Variants in ARB2A observed in about 807,000 individuals in gnomAD.
The protein encoded by ARB2A is ARB2 cotranscriptional regulator A.
At chr5:94,087,208 G>A in the ARB2A span, among the ~76,000 whole-genome samples, 4 of 152,130 alleles carry the variant, frequency 2.6e-5, no homozygotes, top group Non-Finnish European at 5.9e-5. Flanking sequence ...CTTTTGTACA[G>A]CTGAACAATA....
At chr5:93,937,329 G>A in the ARB2A span, among the ~76,000 whole-genome samples, 2 of 151,426 alleles carry the variant, frequency 1.3e-5, no homozygotes, top group African/African-American at 2.4e-5. Flanking sequence ...CAGGCTGGCC[G>A]CGGTGGTTCA....
the ARB2A span, among the ~76,000 whole-genome samples, chr5:93,948,687 T>C: frequency 3.5e-4 from 53 of 152,314 alleles, no homozygotes; most frequent in African/African-American, 7.5e-4. Context: ...AATTTTTGTA[T>C]AAGGTGTAAG....
the ARB2A span, among the ~76,000 whole-genome samples, chr5:93,975,040 C>T: frequency 3.3e-5 from 5 of 152,118 alleles, no homozygotes; most frequent in East Asian, 1.9e-4. Flanking sequence ...CTTAGCTGGG[C>T]GCGGTGGCTC....
At chr5:93,801,243 G>C in the ARB2A span, among the ~76,000 whole-genome samples, 2 of 152,130 alleles carry the variant, frequency 1.3e-5, no homozygotes, top group African/African-American at 4.8e-5. Context: ...GGAAGAAAAA[G>C]TTACTGTATG....
chr5:93,938,706 A>G, the ARB2A span, among the ~76,000 whole-genome samples: 2 of 152,224 alleles, frequency 1.3e-5, no homozygotes, highest in Non-Finnish European at 2.9e-5. Context: ...CATCCTGGAG[A>G]GAGAGAGCAT....
the ARB2A span, among the ~76,000 whole-genome samples, chr5:94,044,762 G>A: frequency 6.6e-6 from 1 of 151,880 alleles, no homozygotes. Context: ...TAAAGAAGTT[G>A]GCCAAAACCC....
the ARB2A span, among the ~76,000 whole-genome samples, chr5:93,790,760 T>TA: frequency 5.3e-5 from 8 of 151,456 alleles, no homozygotes; most frequent in Non-Finnish European, 7.4e-5. Context: ...TGACTGTATT[T>TA]AAAAAAAAAG....
the ARB2A span, among the ~76,000 whole-genome samples, chr5:94,037,099 T>C: frequency 6.6e-6 from 1 of 152,206 alleles, no homozygotes. Flanking sequence ...GCTTTCTATG[T>C]ATTTCTGCGC....
chr5:93,770,700 A>G, the ARB2A span, among the ~76,000 whole-genome samples: 1 of 152,176 alleles, frequency 6.6e-6, no homozygotes, highest in Non-Finnish European at 1.5e-5. Context: ...ACTCCCATTC[A>G]CAATTGCTTC....
chr5:93,931,337 G>A, the ARB2A span, among the ~76,000 whole-genome samples: 1 of 152,068 alleles, frequency 6.6e-6, no homozygotes, highest in African/African-American at 2.4e-5. Flanking sequence ...GGTGGTGCAT[G>A]CCTGTAATCC....
chr5:93,956,232 C>T, the ARB2A span, among the ~76,000 whole-genome samples: 1 of 152,126 alleles, frequency 6.6e-6, no homozygotes, highest in African/African-American at 2.4e-5. Context: ...CAAACTATGA[C>T]CTGTGGAGCC....
chr5:93,769,931 A>G, the ARB2A span, among the ~76,000 whole-genome samples: 13 of 152,322 alleles, frequency 8.5e-5, no homozygotes, highest in Non-Finnish European at 1.5e-4. Context: ...TTAAGGAAAG[A>G]AATGGTCAGA....
At chr5:94,041,318 A>G in the ARB2A span, among the ~76,000 whole-genome samples, 4 of 151,972 alleles carry the variant, frequency 2.6e-5, no homozygotes, top group Non-Finnish European at 5.9e-5. Flanking sequence ...ACTTTTCAAG[A>G]CGGCCCAGCA....
At chr5:93,823,096 T>C in the ARB2A span, among the ~76,000 whole-genome samples, 46 of 152,304 alleles carry the variant, frequency 3.0e-4, no homozygotes, top group African/African-American at 1.0e-3. Flanking sequence ...TCCACTTAGA[T>C]CTATTTGGAT....
chr5:93,755,574 C>A, the ARB2A span, among the ~76,000 whole-genome samples: 2 of 152,184 alleles, frequency 1.3e-5, no homozygotes, highest in Admixed American at 1.3e-4. Flanking sequence ...ACTGCGGAAG[C>A]GGGAAAGGGA....
At chr5:93,623,693 A>G in the ARB2A span, among the ~76,000 whole-genome samples, 1 of 152,300 alleles carries the variant, frequency 6.6e-6, no homozygotes, top group South Asian at 2.1e-4. Flanking sequence ...ATTTAAGAGT[A>G]TAAATAATGA....
the ARB2A span, chr5:93,741,351 T>A: frequency 8.1e-6 from 13 of 1,611,204 alleles, no homozygotes; most frequent in Admixed American, 1.8e-4. Context: ...AGCCCCGGAA[T>A]TCGTGTGGCA....
chr5:93,881,441 T>C, the ARB2A span: 7 of 1,515,042 alleles, frequency 4.6e-6, 1 homozygote, highest in African/African-American at 1.4e-5. Flanking sequence ...GTAAAGAAAA[T>C]AGTAAAGGAA....
chr5:94,064,251 C>G, the ARB2A span, among the ~76,000 whole-genome samples: 4 of 151,988 alleles, frequency 2.6e-5, no homozygotes, highest in African/African-American at 9.7e-5. Context: ...ATCAAGCAGA[C>G]CAATGCATTT....
Sources: gnomAD v4.1 joint callset for allele counts (sites outside exome capture counted in the v4.1 genomes callset) on GRCh38, gnomAD v4.1.1 for gene constraint, MANE v1.5 for transcripts, NCBI Gene and HGNC (gene_info 2026-07-23, HGNC 2026-07-21) for gene names.